Variants in INO80 observed in about 807,000 individuals in gnomAD.
The protein encoded by INO80 is INO80 complex ATPase subunit.
In INO80, 20 loss-of-function variants were observed where a neutral mutation model predicts 203.4. The ratio of observed to expected loss-of-function variants is 0.10; its 90% CI spans 0.07 to 0.14. The LOEUF (loss-of-function observed/expected upper bound fraction) is 0.14. Among genes scored for constraint, INO80 ranks in the 10% least tolerant of loss-of-function variants. The pLI is 1.00. For synonymous variants in INO80, 726 were observed against 685.2 expected, an observed-to-expected ratio of 1.06 and a Z score of -0.93; for missense variants, 1,419 against 1,914.4, an observed-to-expected ratio of 0.74 and a Z score of 4.83.
chr15:40,987,025 C>G (rs2043745267), intron 31 of INO80, 66 bp downstream of exon 31: 1 of 919,638 alleles, frequency 1.1e-6, no homozygotes, highest in African/African-American at 1.6e-5. Context: ...ACCCTTGGCA[C>G]ACAGCCAAGT....
At position 41,073,429 on chromosome 15, in the gene INO80, C is replaced by G; in HGVS notation, c.1394G>C (p.Arg465Pro). ...AAACCTTTCTATCTGAAGACTCACC[C>G]GAGCTTGGTGAATATGGTAAGCATT... ...AENAYHIHQA[R>P]TRSFDEDAKE... The change falls in exon 11 of 36, where the codon CGG (arginine) becomes CCG (proline). Residue 465 changes from arginine to proline, a missense_variant and splice_region_variant. Physicochemically the swap from Arg to Pro is moderately radical, Grantham distance 103. This residue lies in a region of INO80 where 116 missense variants were observed against 119.5 expected (regional missense o/e 0.97). Transcript: ENST00000648947. The G allele has an allele frequency of 6.2e-7, 1 of 1,613,506 alleles. No individual in the cohort carries two copies. The highest frequency in any genetic ancestry group is 8.5e-7 in the Non-Finnish European group (1 of 1,179,482).
At chr15:41,106,214 T>C (rs1285355831) in intron 1 of INO80, among the ~76,000 whole-genome samples, 2 of 151,906 alleles carry the variant, frequency 1.3e-5, no homozygotes, top group African/African-American at 4.8e-5. Context: ...CGAAATCCTG[T>C]CTGCATGAAA....
At chr15:41,072,132 TAAC>T (rs2045331055) in intron 11 of INO80, 74 bp from the exon 12 acceptor site, 1 of 976,140 alleles carries the variant, frequency 1.0e-6, no homozygotes, top group Non-Finnish European at 1.5e-6. Flanking sequence ...AGACTCAAGA[TAAC>T]AATATATCTA....
chr15:41,084,833 G>A (rs1178078265), intron 7 of INO80, among the ~76,000 whole-genome samples: 1 of 152,090 alleles, frequency 6.6e-6, no homozygotes, highest in Non-Finnish European at 1.5e-5. Flanking sequence ...TCAACCTCCT[G>A]GGCTCTATCT....
intron 13 of INO80, among the ~76,000 whole-genome samples, 155 bp downstream of exon 13, chr15:41,070,312 A>G (rs2045290035): frequency 6.6e-6 from 1 of 152,200 alleles, no homozygotes; most frequent in Non-Finnish European, 1.5e-5. Context: ...AAAAGTTATA[A>G]AACACTGTCC....
At chr15:41,079,929 C>T (rs772608575) in intron 8 of INO80, 25 bp from the exon 9 acceptor site, 40 of 1,604,244 alleles carry the variant, frequency 2.5e-5, no homozygotes, top group African/African-American at 4.0e-5. Flanking sequence ...AGCATTACAG[C>T]GGAAAGGACC....
chr15:41,048,267 C>A lies in INO80; in HGVS notation c.2586G>T (p.Arg862Ser), dbSNP rs1233776320. 1.1e-5 allele frequency: 18 copies of A among 1,611,472 alleles called. No individual in the cohort carries two copies. In the African/African-American group the frequency reaches 1.7e-4, roughly 16 times the overall value. Residue 862 changes from arginine (R) to serine (S), a missense_variant, in exon 22 of 36, where the codon AGG (arginine) becomes AGT (serine). Transcript: ENST00000648947. ...AGTCTGGTGCAAATGGAGAAAGAAC[C>A]CTTAACCACCTGCAAAGTAAGTAAA... Reference protein sequence around the residue: ...VFNHSRDRWLRVLSPFAPDYI... With the variant: ...VFNHSRDRWLSVLSPFAPDYI...
chr15:41,072,097 AGAGG>A, intron 11 of INO80, 39 bp from the exon 12 acceptor site: 1 of 1,325,448 alleles, frequency 7.5e-7, no homozygotes, highest in Non-Finnish European at 1.0e-6. Flanking sequence ...AAAAAAAAAA[AGAGG>A]AAAAATATTA....
chr15:41,079,076 T>C (rs552398055), intron 9 of INO80, among the ~76,000 whole-genome samples: 150 of 152,208 alleles, frequency 9.9e-4, no homozygotes, highest in Non-Finnish European at 1.9e-3. Flanking sequence ...GAGGCAAAGG[T>C]TGCAGAGCCG....
At chr15:41,032,087 GCACA>G (rs2044496106) in intron 24 of INO80, among the ~76,000 whole-genome samples, 1 of 146,054 alleles carries the variant, frequency 6.8e-6, no homozygotes, top group African/African-American at 2.5e-5. Flanking sequence ...GCACAGCACA[GCACA>G]GCACAGCACA....
chr15:41,110,980 T>G (rs2045950511), intron 1 of INO80, among the ~76,000 whole-genome samples: 1 of 152,210 alleles, frequency 6.6e-6, no homozygotes, highest in Admixed American at 6.6e-5. Context: ...TTGTGTTTAT[T>G]TGCCTCTTAA....
chr15:41,025,439 G>A (rs892090723), intron 25 of INO80, among the ~76,000 whole-genome samples: 4 of 152,194 alleles, frequency 2.6e-5, no homozygotes, highest in Non-Finnish European at 5.9e-5. Flanking sequence ...AACAGGCTGG[G>A]CACAGTGGCT....
intron 35 of INO80, among the ~76,000 whole-genome samples, chr15:40,982,337 CAG>C (rs1893862195): frequency 6.6e-6 from 1 of 152,094 alleles, no homozygotes; most frequent in Non-Finnish European, 1.5e-5. Context: ...TTGGTAGAGA[CAG>C]GGTTTCCTCA....
intron 27 of INO80, among the ~76,000 whole-genome samples, chr15:41,015,446 C>T (rs1266898992): frequency 6.6e-6 from 1 of 152,014 alleles, no homozygotes; most frequent in East Asian, 1.9e-4. Context: ...GAGAACTAAT[C>T]CTAAATCTTG....
intron 24 of INO80, among the ~76,000 whole-genome samples, chr15:41,033,154 T>C (rs2044516821): frequency 6.6e-6 from 1 of 152,216 alleles, no homozygotes; most frequent in South Asian, 2.1e-4. Context: ...ACTGGTACTG[T>C]ACTCTGTGTC....
chr15:41,044,943 T>A lies in INO80; in HGVS notation c.2868A>T (p.Pro956=). 6.2e-7 allele frequency: 1 copy of A among 1,612,642 alleles called. No homozygotes were observed. Residue 956 remains proline, a synonymous_variant, in exon 24 of 36, where the codon CCA becomes CCT. Transcript: ENST00000648947. ...NKDFLLGVNF[P]LSFPNLCSCP... The stretch of plus-strand genomic sequence containing the variant: ...AGCTGCAAAGGTTTGGAAAGGAGAG[T>A]GGAAAATTAACCCCAAGAAGGAAAT...
chr15:41,112,786 C>CAAA lies in INO80; in HGVS notation c.-44+3184_-44+3186dup, dbSNP rs893121991. ...CTGGCGACAGGGCAAGACTCCATCT[C>CAAA]AAAAAAAAAAAAAAAAAAAAAAAAA... is the stretch of plus-strand genomic sequence containing the variant. On this transcript the variant is annotated intron_variant, in intron 1 of 35. Coordinates refer to ENST00000648947, the MANE Select transcript of INO80 (RefSeq NM_017553.3). Among the ~76,000 whole-genome samples, 70 of 19,188 alleles carry CAAA rather than the reference C, an allele frequency of 3.6e-3. 10 individuals carry two copies. Among genetic ancestry groups the CAAA allele is most frequent in the South Asian group, 7.2e-3 (2 of 278 alleles). The allele number at this position is 19,188 out of a possible 152,430, so 12.6% of individuals were successfully genotyped here.
chr15:41,055,916 G>C (rs2044974552), intron 17 of INO80, among the ~76,000 whole-genome samples: 1 of 148,144 alleles, frequency 6.8e-6, no homozygotes, highest in Non-Finnish European at 1.5e-5. Flanking sequence ...TATACTATCT[G>C]TCAGTTTCTA....
At chr15:41,055,945 G>GTTTTTTTTTTT (rs5812185) in intron 17 of INO80, among the ~76,000 whole-genome samples, 1 of 128,586 alleles carries the variant, frequency 7.8e-6, no homozygotes. Flanking sequence ...TCTTCTTTTG[G>GTTTTTTTTTTT]TTTTTTTTTT....
Sources: gnomAD v4.1 joint callset for allele counts (sites outside exome capture counted in the v4.1 genomes callset) on GRCh38, gnomAD v4.1.1 for gene constraint, gnomAD v4.1.1 regional missense constraint, MANE v1.5 for transcripts, NCBI Gene and HGNC (gene_info 2026-07-23, HGNC 2026-07-21) for gene names.